GRM4: variants seen among roughly 807,000 people sequenced by gnomAD.
GRM4 encodes the protein glutamate metabotropic receptor 4, also known as metabotropic glutamate receptor 4.
A neutral mutation model predicts 81.7 loss-of-function variants in GRM4; 28 were observed. The observed-to-expected ratio is 0.34, with a 90% CI of 0.25 to 0.47. The LOEUF (loss-of-function observed/expected upper bound fraction) is 0.47, where lower values mean the gene tolerates loss of function less well. Among genes scored for constraint, GRM4 ranks in the 20% least tolerant of loss-of-function variants. The pLI is 1.00. For synonymous variants in GRM4, 488 were observed against 528.8 expected (o/e 0.92, Z 1.06); for missense variants, 948 against 1,290.0 (o/e 0.73, Z 4.06).
intron 6 of GRM4, among the ~76,000 whole-genome samples, chr6:34,052,954 T>A (rs755155356): frequency 2.9e-4 from 44 of 152,262 alleles, no homozygotes; most frequent in Non-Finnish European, 5.7e-4. Flanking sequence ...TCCGGGATTT[T>A]ACAGCAGACA....
chr6:34,104,458 C>T (rs1187211983), intron 2 of GRM4, among the ~76,000 whole-genome samples: 1 of 152,224 alleles, frequency 6.6e-6, no homozygotes, highest in African/African-American at 2.4e-5. Context: ...ACACAATAAT[C>T]CCATGAAGTG....
rs575135798 is a variant in GRM4, at chr6:34,022,737, C to T, written c.*84G>A. 12 of 1,242,372 alleles carry T rather than the reference C, an allele frequency of 9.7e-6. No homozygotes were observed. The East Asian group carries it at 2.6e-4, about 26-fold the overall frequency. 77.0% of individuals were successfully genotyped at this position (1,242,372 alleles called of 1,614,324 possible). On this transcript the variant is annotated 3_prime_UTR_variant, in exon 11 of 11. Transcript: ENST00000538487. The surrounding 1 kb of genome is among the most constrained non-coding windows in gnomAD (Gnocchi z 5.6). ...GGGTGCCCACGGGCAGGCAAGACAG[C>T]TGGGCCCTTGGGTGTGGCCCTGGCC...
intron 4 of GRM4, chr6:34,060,960 C>T (rs1766149933): frequency 6.6e-6 from 1 of 152,322 alleles, no homozygotes; most frequent in African/African-American, 2.4e-5. Flanking sequence ...CACCAATGGC[C>T]TGGGAGGGTA....
intron 5 of GRM4, among the ~76,000 whole-genome samples, chr6:34,057,045 C>G (rs1166274207): frequency 1.3e-5 from 2 of 152,108 alleles, no homozygotes; most frequent in African/African-American, 4.8e-5. Context: ...GCTGCCCAAC[C>G]CGGGGAGCAC....
At chr6:34,037,828 G>A (rs541258886) in intron 8 of GRM4, among the ~76,000 whole-genome samples, 12 of 141,878 alleles carry the variant, frequency 8.5e-5, no homozygotes, top group African/African-American at 2.6e-4. Flanking sequence ...ATGCCACTGC[G>A]CTCCAGCCTG....
At chr6:34,057,846 A>T (rs1319748056) in intron 5 of GRM4, among the ~76,000 whole-genome samples, 1 of 152,160 alleles carries the variant, frequency 6.6e-6, no homozygotes, top group Non-Finnish European at 1.5e-5. Context: ...GATGCTGGGG[A>T]GGCTAAAGGA....
At position 34,035,638 on chromosome 6, in the gene GRM4, C is replaced by A; in HGVS notation, c.2442+30G>T. On this transcript the variant is annotated intron_variant, in intron 9 of 10. Coordinates refer to ENST00000538487, the MANE Select transcript of GRM4 (RefSeq NM_000841.4). This position sits in a 1 kb window ranked among gnomAD's most constrained non-coding sequence, Gnocchi z 6.6. ...CCCTTGCTCACTGCCCTCACCTACC[C>A]ACCGTCCACCCCCGGCCCCCACCAC... 1 of 1,375,988 alleles carries A rather than the reference C, an allele frequency of 7.3e-7. No individual in the cohort carries two copies. The highest frequency in any genetic ancestry group is 1.3e-5 in the South Asian group (1 of 75,326). The allele number at this position is 1,375,988 out of a possible 1,614,324, so 85.2% of individuals were successfully genotyped here.
At chr6:34,143,159 T>C (rs1470404859) in intron 1 of GRM4, among the ~76,000 whole-genome samples, 1 of 152,104 alleles carries the variant, frequency 6.6e-6, no homozygotes, top group Non-Finnish European at 1.5e-5. Context: ...TGTGAAGGTA[T>C]TGGCAGGTAG....
chr6:34,028,144 G>A lies in GRM4; in HGVS notation c.2665C>T (p.Leu889Phe), dbSNP rs1161774622. 6.2e-7 allele frequency: 1 copy of A among 1,613,660 alleles called. No individual in the cohort carries two copies. The highest frequency in any genetic ancestry group is 8.5e-7 in the Non-Finnish European group (1 of 1,179,808). Residue 889 changes from leucine to phenylalanine, a missense_variant, in exon 10 of 11, where the codon CTC becomes TTC. Coordinates refer to ENST00000538487, the MANE Select transcript of GRM4 (RefSeq NM_000841.4). ...FRPNGEAKSE[L>F]CENLEAPALA... ...CCTGGGGCCTCAAGGTTCTCGCAGA[G>A]CTCAGACTTGGCCTCTCCGTTGGGC... is the stretch of plus-strand genomic sequence containing the variant.
chr6:34,059,189 T>G lies in GRM4; in HGVS notation c.873-61A>C, dbSNP rs997013614. 10 of 1,510,074 alleles carry G rather than the reference T, an allele frequency of 6.6e-6. No individual in the cohort carries two copies. The highest frequency in any genetic ancestry group is 1.7e-4 in the Middle Eastern group (1 of 5,878). 93.5% of individuals were successfully genotyped at this position (1,510,074 alleles called of 1,614,324 possible). ...CTGTCCACGAAACTGCCCCCACTCC[T>G]GGCCACACTTGCTTTGGGCCCACGT... On this transcript the variant is annotated intron_variant, in intron 4 of 10. Coordinates refer to ENST00000538487, the MANE Select transcript of GRM4 (RefSeq NM_000841.4). This position sits in a 1 kb window ranked among gnomAD's most constrained non-coding sequence, Gnocchi z 5.7.
rs560307992 is a variant in GRM4, at chr6:34,025,309, T to G, written c.2690-2439A>C. On this transcript the variant is annotated intron_variant, in intron 10 of 10. Coordinates refer to ENST00000538487, the MANE Select transcript of GRM4 (RefSeq NM_000841.4). ...CTGGTGAGAATCAATTCCCCAGAGC[T>G]CCGTCACCCCCTGGGGGAACTGATA... Among the ~76,000 whole-genome samples, 9 of 152,032 alleles carry G rather than the reference T, an allele frequency of 5.9e-5. No homozygotes were observed. In the South Asian group the frequency reaches 1.9e-3, roughly 32 times the overall value.
chr6:34,048,109 C>A lies in GRM4; in HGVS notation c.1169-7361G>T, dbSNP rs1434945468. ...CATGAGAATGCAGACTTTAAGAATCCTCACGGCACTCCTGTGTCCCTGCGA... is the reference window on the plus strand; with the variant it reads ...CATGAGAATGCAGACTTTAAGAATCATCACGGCACTCCTGTGTCCCTGCGA... On this transcript the variant is annotated intron_variant, in intron 6 of 10. Transcript: ENST00000538487. This position sits in a 1 kb window ranked among gnomAD's most constrained non-coding sequence, Gnocchi z 4.0. Among the ~76,000 whole-genome samples, 4 of 152,156 alleles carry A rather than the reference C, an allele frequency of 2.6e-5. No homozygotes were observed. The highest frequency in any genetic ancestry group is 9.7e-5 in the African/African-American group (4 of 41,422).
At chr6:34,132,186 G>A (rs746968704) in intron 2 of GRM4, among the ~76,000 whole-genome samples, 22 of 152,296 alleles carry the variant, frequency 1.4e-4, no homozygotes, top group African/African-American at 4.8e-4. Context: ...AGGGGGCTGG[G>A]AGGGATTCCA....
At position 34,068,143 on chromosome 6, in the gene GRM4, G is replaced by A. The variant is rs879677151; in HGVS notation, c.737-6115C>T. Among the ~76,000 whole-genome samples, 4 of 152,214 alleles carry A rather than the reference G, an allele frequency of 2.6e-5. No homozygotes were observed. Among genetic ancestry groups the A allele is most frequent in the Non-Finnish European group, 5.9e-5 (4 of 68,036 alleles). On this transcript the variant is annotated intron_variant, in intron 3 of 10. Transcript: ENST00000538487. The surrounding 1 kb of genome is among the most constrained non-coding windows in gnomAD (Gnocchi z 4.2). Reference sequence around the variant, plus strand: ...CAGAGGAGGACAGCAGCAGCATGACGTGCTGGAGGGAGACGGGGGGGCTGC... The same window carrying A: ...CAGAGGAGGACAGCAGCAGCATGACATGCTGGAGGGAGACGGGGGGGCTGC...
At chr6:34,056,237 T>C (rs1309479798) in intron 6 of GRM4, 4 of 306,556 alleles carry the variant, frequency 1.3e-5, no homozygotes, top group Non-Finnish European at 2.4e-5. Flanking sequence ...CAAGACTGGA[T>C]ACAGGTTAGG....
In GRM4 at chr6:34,061,933, C is replaced by A; in HGVS notation, c.832G>T (p.Ala278Ser). 6.2e-7 allele frequency: 1 copy of A among 1,613,712 alleles called. No homozygotes were observed. Among genetic ancestry groups the A allele is most frequent in the Non-Finnish European group, 8.5e-7 (1 of 1,179,714 alleles). Residue 278 changes from alanine to serine, a missense_variant, in exon 4 of 11, where the codon GCC becomes TCC. Ala to Ser is a moderately conservative substitution (Grantham distance 99). Transcript: ENST00000538487. ...IIRRLLETSN[A>S]RAVIIFANED... ...TTGGCAAAGATGATGACTGCCCTGGCGTTCGAAGTCTCCAGGAGGCGGCGG... is the reference window on the plus strand; with the variant it reads ...TTGGCAAAGATGATGACTGCCCTGGAGTTCGAAGTCTCCAGGAGGCGGCGG...
intron 3 of GRM4, among the ~76,000 whole-genome samples, chr6:34,081,757 G>A (rs755326949): frequency 1.3e-5 from 2 of 152,166 alleles, no homozygotes; most frequent in East Asian, 1.9e-4. Flanking sequence ...GGAAGGAAAC[G>A]GTGGGTTCAC....
At position 34,036,886 on chromosome 6, in the gene GRM4, A is replaced by G. The variant is rs1764741395; in HGVS notation, c.1507-283T>C. Among the ~76,000 whole-genome samples, 1 of 152,250 alleles carries G rather than the reference A, an allele frequency of 6.6e-6. No individual in the cohort carries two copies. The highest frequency in any genetic ancestry group is 1.5e-5 in the Non-Finnish European group (1 of 68,042). ...ACTGAGCCCAGAAAGCAGTAGTGAC[A>G]ACCTAGAGTCACAGGAAACAACAGT... On this transcript the variant is annotated intron_variant, in intron 8 of 10. Transcript: ENST00000538487. This position sits in a 1 kb window ranked among gnomAD's most constrained non-coding sequence, Gnocchi z 9.0.
chr6:34,090,200 C>T lies in GRM4; in HGVS notation c.736+1683G>A, dbSNP rs138459443. 5.7e-3 allele frequency among the ~76,000 whole-genome samples: 864 copies of T among 152,292 alleles called. 3 individuals are homozygous for T. Among genetic ancestry groups the T allele is most frequent in the Middle Eastern group, 0.02 (6 of 294 alleles). ...AGCACTGGGGGTGGCTTTGAGGTCC[C>T]TCAGGGCAGGGACTGAACACAACTG... On this transcript the variant is annotated intron_variant, in intron 3 of 10. Coordinates refer to ENST00000538487, the MANE Select transcript of GRM4 (RefSeq NM_000841.4). The surrounding 1 kb of genome is among the most constrained non-coding windows in gnomAD (Gnocchi z 5.2).
Sources: allele counts gnomAD v4.1 joint callset (sites outside exome capture counted in the v4.1 genomes callset), GRCh38; gene constraint gnomAD v4.1.1; non-coding constraint Gnocchi (gnomAD v3.1); transcripts MANE v1.5; gene names NCBI Gene and HGNC (gene_info 2026-07-23, HGNC 2026-07-21).